Variants in MREG observed in about 807,000 individuals in gnomAD.
MREG encodes dilute suppressor protein homolog.
Under a neutral mutation model 28.5 loss-of-function variants are expected in MREG, and 31 were observed. The ratio of observed to expected loss-of-function variants is 1.09; its 90% CI spans 0.82 to 1.47. MREG has a LOEUF of 1.47. Ranked by LOEUF, MREG falls within the 40% of genes most tolerant of loss-of-function variation. MREG has a pLI of 0.00. For synonymous variants in MREG, 106 were observed against 95.2 expected (o/e 1.11, Z -0.66); for missense variants, 256 against 257.4 (o/e 0.99, Z 0.04).
chr2:216,020,399 A>G (rs1694503028), intron 1 of MREG, among the ~76,000 whole-genome samples: 2 of 152,180 alleles, frequency 1.3e-5, no homozygotes, highest in Non-Finnish European at 2.9e-5. Context: ...CCTGAATTGC[A>G]CCGTCTTTCC....
At chr2:216,023,081 A>T (rs1320900842) in intron 1 of MREG, among the ~76,000 whole-genome samples, 1 of 152,188 alleles carries the variant, frequency 6.6e-6, no homozygotes, top group Non-Finnish European at 1.5e-5. Context: ...AACACTCAAG[A>T]GATACATCGA....
Position 215,974,825 on chromosome 2 carries a change from G to GACAC in MREG, c.255+21477_255+21480dup, listed in dbSNP as rs71982102. On this transcript the variant is annotated intron_variant, in intron 2 of 4. Transcript: ENST00000263268. ...AAACACAGACACAGACACACACACAGACACACACACACACACACACACACA... is the reference window on the plus strand; with the variant it reads ...AAACACAGACACAGACACACACACAGACACACACACACACACACACACACACACA... 2.6e-3 allele frequency among the ~76,000 whole-genome samples: 328 copies of GACAC among 126,688 alleles called. 3 individuals are homozygous for GACAC. The highest frequency in any genetic ancestry group is 8.4e-3 in the African/African-American group (281 of 33,622). 83.1% of individuals were successfully genotyped at this position (126,688 alleles called of 152,430 possible). A position where few individuals can be genotyped will look rare whatever the true frequency, so the allele number is the denominator to read the frequency against.
chr2:216,003,138 G>A lies in MREG; in HGVS notation c.96-6673C>T, dbSNP rs1574645819. On this transcript the variant is annotated intron_variant, in intron 1 of 4. Transcript: ENST00000263268. ...AGTCTTGCTGTGTTGCCCAAGCTGG[G>A]GTGTCGGGGGGCGATTGTTCCATTA... Among the ~76,000 whole-genome samples, 4 of 151,342 alleles carry A rather than the reference G, an allele frequency of 2.6e-5. 1 individual carries two copies. The East Asian group carries it at 5.8e-4, about 22-fold the overall frequency.
chr2:215,953,718 A>C (rs1382650951), intron 2 of MREG, among the ~76,000 whole-genome samples: 1 of 152,238 alleles, frequency 6.6e-6, no homozygotes, highest in East Asian at 1.9e-4. Context: ...TCTCATCTGA[A>C]GTCAGACCTA....
rs753332220 is a variant in MREG at position 215,947,076 on chromosome 2, C to T, written c.293G>A (p.Arg98Gln). 2.3e-5 allele frequency: 37 copies of T among 1,613,028 alleles called. No homozygotes were observed. The highest frequency in any genetic ancestry group is 1.2e-4 in the African/African-American group (9 of 74,892). ...QKLNYDIHTL[R>Q]QVRREVRNRW... The stretch of plus-strand genomic sequence containing the variant: ...GTTTCTTACTTCCCTTCGAACCTGC[C>T]GCAGGGTATGGATATCATAGTTGAG... The change falls in exon 3 of 5, where the codon CGG becomes CAG. Residue 98 changes from arginine to glutamine, a missense_variant. Transcript: ENST00000263268.
chr2:216,007,734 C>T (rs942922156), intron 1 of MREG, among the ~76,000 whole-genome samples: 8 of 102,830 alleles, frequency 7.8e-5, no homozygotes, highest in African/African-American at 2.2e-4. Flanking sequence ...CCAACCCCCA[C>T]TTAGCGGCTT....
At position 215,949,072 on chromosome 2, in the gene MREG, CTACTACTACTACTACTAA is replaced by C. The variant is rs1259908020; in HGVS notation, c.256-1977_256-1960del. Among the ~76,000 whole-genome samples, 69 of 115,592 alleles carry C rather than the reference CTACTACTACTACTACTAA, an allele frequency of 6.0e-4. 1 individual carries two copies. The highest frequency in any genetic ancestry group is 1.8e-3 in the African/African-American group (61 of 33,690). 75.8% of individuals were successfully genotyped at this position (115,592 alleles called of 152,430 possible). ...ACTACTACTACTACTACTACTACTA[CTACTACTACTACTACTAA>C]TAATAATAATAATAATACAAAAATT... On this transcript the variant is annotated intron_variant, in intron 2 of 4. Coordinates refer to ENST00000263268, the MANE Select transcript of MREG (RefSeq NM_018000.3).
At chr2:216,002,589 C>CA (rs1035193781) in intron 1 of MREG, among the ~76,000 whole-genome samples, 59 of 152,328 alleles carry the variant, frequency 3.9e-4, no homozygotes, top group African/African-American at 1.4e-3. Flanking sequence ...AACAGGCTGC[C>CA]AGGTCCACAC....
intron 1 of MREG, among the ~76,000 whole-genome samples, chr2:215,996,811 C>G (rs1164488610): frequency 2.0e-5 from 3 of 151,694 alleles, no homozygotes; most frequent in African/African-American, 7.3e-5. Context: ...CGCTTCATCA[C>G]CCAGCATCAC....
chr2:215,954,445 A>AACAAACACACACACACACACACACAC (rs1553547417), intron 2 of MREG, among the ~76,000 whole-genome samples: 2 of 136,524 alleles, frequency 1.5e-5, no homozygotes, highest in Admixed American at 7.6e-5. Flanking sequence ...ATCTGTGTAC[A>AACAAACACACACACACACACACACAC]ACACACACAC....
At chr2:215,987,686 G>A (rs1279686206) in intron 2 of MREG, among the ~76,000 whole-genome samples, 1 of 151,390 alleles carries the variant, frequency 6.6e-6, no homozygotes, top group African/African-American at 2.4e-5. Context: ...CTCGAGACCA[G>A]ACAGACCAAC....
chr2:215,978,959 C>G (rs1693334167), intron 2 of MREG, among the ~76,000 whole-genome samples: 1 of 152,160 alleles, frequency 6.6e-6, no homozygotes, highest in African/African-American at 2.4e-5. Context: ...ATGTGAGACA[C>G]ATCATTTTGA....
chr2:216,031,018 C>G (rs1694680352), intron 1 of MREG, among the ~76,000 whole-genome samples: 1 of 151,860 alleles, frequency 6.6e-6, no homozygotes, highest in South Asian at 2.1e-4. Context: ...CTCTCTCTCT[C>G]ATTTGCTTGC....
chr2:215,963,456 CAAA>C (rs1553548655), intron 2 of MREG, among the ~76,000 whole-genome samples: 1 of 38,648 alleles, frequency 2.6e-5, no homozygotes, highest in East Asian at 4.4e-4. Context: ...AAAAAAAAAA[CAAA>C]AAAACAGAGT....
At chr2:216,012,678 CT>C (rs1421077379) in intron 1 of MREG, among the ~76,000 whole-genome samples, 1 of 152,214 alleles carries the variant, frequency 6.6e-6, no homozygotes, top group Non-Finnish European at 1.5e-5. Context: ...TTTCCTCACA[CT>C]TCATAGCTTA....
At chr2:215,994,953 G>C (rs957973619) in intron 2 of MREG, among the ~76,000 whole-genome samples, 3 of 152,092 alleles carry the variant, frequency 2.0e-5, no homozygotes, top group Non-Finnish European at 4.4e-5. Context: ...GGCAGAGTCA[G>C]GGGAGAAGAG....
intron 1 of MREG, among the ~76,000 whole-genome samples, chr2:216,020,048 C>T (rs1574660133): frequency 6.6e-6 from 1 of 152,112 alleles, no homozygotes; most frequent in Non-Finnish European, 1.5e-5. Context: ...ATACGCTGGG[C>T]TGGAAGAGGA....
chr2:215,972,213 G>C (rs894383947), intron 2 of MREG, among the ~76,000 whole-genome samples: 6 of 152,152 alleles, frequency 3.9e-5, no homozygotes, highest in African/African-American at 1.4e-4. Context: ...ACGTGGGAAA[G>C]ACCAAAAACT....
At chr2:215,970,535 A>AGG (rs1693060023) in intron 2 of MREG, among the ~76,000 whole-genome samples, 1 of 152,240 alleles carries the variant, frequency 6.6e-6, no homozygotes, top group Non-Finnish European at 1.5e-5. Context: ...GCATCAAAGG[A>AGG]CTGTGACTCA....
Sources: allele counts gnomAD v4.1 joint callset (sites outside exome capture counted in the v4.1 genomes callset), GRCh38; gene constraint gnomAD v4.1.1; transcripts MANE v1.5; gene names NCBI Gene and HGNC (gene_info 2026-07-23, HGNC 2026-07-21).